KCNH1: variants seen among roughly 807,000 people sequenced by gnomAD.
KCNH1 encodes the protein potassium voltage-gated channel subfamily H member 1.
In KCNH1, 27 loss-of-function variants were observed where a neutral mutation model predicts 69.2. That is an observed-to-expected ratio of 0.39 (90% CI 0.29 to 0.54). The LOEUF is 0.54. Ranked by LOEUF, KCNH1 falls within the 20% of genes least tolerant of loss-of-function variation. The pLI, the probability that KCNH1 is intolerant of heterozygous loss-of-function variation, is 0.68. For missense variants in KCNH1, 798 were observed against 1,261.6 expected (o/e 0.63, Z 5.57); for synonymous variants, 456 against 487.7 (o/e 0.93, Z 0.86).
chr1:210,740,707 T>A (rs1233704472), intron 10 of KCNH1, among the ~76,000 whole-genome samples: 2 of 103,188 alleles, frequency 1.9e-5, no homozygotes, highest in East Asian at 3.0e-4. Flanking sequence ...TGATTAAATT[T>A]TTTTTTTTTT....
chr1:210,976,102 C>T (rs996789311), intron 6 of KCNH1, among the ~76,000 whole-genome samples: 6 of 152,152 alleles, frequency 3.9e-5, no homozygotes, highest in Admixed American at 2.6e-4. Context: ...CAGGAAACAA[C>T]AGGTGCTGGA....
intron 6 of KCNH1, among the ~76,000 whole-genome samples, chr1:210,990,121 T>C (rs1023896090): frequency 2.0e-5 from 3 of 152,234 alleles, no homozygotes; most frequent in Non-Finnish European, 4.4e-5. Context: ...ATTTAGCTAA[T>C]GCAGACCTGT....
In KCNH1 at chr1:211,133,762, A is replaced by C; in HGVS notation, c.79+105T>G. 9.4e-7 allele frequency: 1 copy of C among 1,063,448 alleles called. No homozygotes were observed. The highest frequency in any genetic ancestry group is 1.9e-5 in the Admixed American group (1 of 51,902). 65.9% of individuals were successfully genotyped at this position (1,063,448 alleles called of 1,614,324 possible). A position where few individuals can be genotyped will look rare whatever the true frequency, so the allele number is the denominator to read the frequency against. Reference sequence around the variant, plus strand: ...TGCCCGCGCCGCGGCTCCTTAGCAGAGCTCGCGGGTTCTGCTGCATCTGCT... The same window carrying C: ...TGCCCGCGCCGCGGCTCCTTAGCAGCGCTCGCGGGTTCTGCTGCATCTGCT... On this transcript the variant is annotated intron_variant, in intron 1 of 10. Coordinates refer to ENST00000271751, the MANE Select transcript of KCNH1 (RefSeq NM_172362.3). The surrounding 1 kb of genome is among the most constrained non-coding windows in gnomAD (Gnocchi z 5.4).
chr1:210,914,367 A>G (rs532100330), intron 7 of KCNH1, among the ~76,000 whole-genome samples: 1 of 152,298 alleles, frequency 6.6e-6, no homozygotes, highest in East Asian at 1.9e-4. Context: ...GTATGTTGGT[A>G]CAGAATGCAA....
At chr1:210,858,304 A>C (rs1438250138) in intron 7 of KCNH1, 1 of 152,222 alleles carries the variant, frequency 6.6e-6, no homozygotes, top group Non-Finnish European at 1.5e-5. Context: ...CTTTAAGAAA[A>C]ACAGGACACA....
At chr1:210,734,810 C>T (rs563242825) in intron 10 of KCNH1, among the ~76,000 whole-genome samples, 92 of 152,102 alleles carry the variant, frequency 6.0e-4, no homozygotes, top group African/African-American at 2.1e-3. Context: ...ATAGCACCTA[C>T]CCCATAAGGT....
At chr1:210,713,288 T>G (rs1286665907) in intron 10 of KCNH1, among the ~76,000 whole-genome samples, 3 of 152,290 alleles carry the variant, frequency 2.0e-5, no homozygotes, top group African/African-American at 2.4e-5. Context: ...CTGAGTCTGG[T>G]AAAGGCCAAA....
intron 6 of KCNH1, among the ~76,000 whole-genome samples, chr1:210,958,554 C>T (rs370882908): frequency 6.6e-5 from 10 of 152,170 alleles, no homozygotes; most frequent in African/African-American, 9.6e-5. Context: ...ACCAATCAAA[C>T]GTAGATTTGG....
chr1:210,698,374 A>G (rs1681692066), intron 10 of KCNH1, among the ~76,000 whole-genome samples: 1 of 152,192 alleles, frequency 6.6e-6, no homozygotes, highest in African/African-American at 2.4e-5. Flanking sequence ...GGAGAAAGCC[A>G]AAGTGGGTTC....
chr1:210,775,955 A>T (rs1265507378), intron 9 of KCNH1, among the ~76,000 whole-genome samples: 2 of 152,142 alleles, frequency 1.3e-5, no homozygotes, highest in Non-Finnish European at 2.9e-5. Flanking sequence ...TGTCTTATTC[A>T]TCCACATAAC....
At chr1:210,777,259 G>T (rs1683880072) in intron 9 of KCNH1, among the ~76,000 whole-genome samples, 1 of 152,156 alleles carries the variant, frequency 6.6e-6, no homozygotes, top group South Asian at 2.1e-4. Context: ...ATATCTGTGG[G>T]CACAGCCTTC....
At chr1:210,995,397 C>T (rs1174604971) in intron 6 of KCNH1, among the ~76,000 whole-genome samples, 8 of 152,168 alleles carry the variant, frequency 5.3e-5, no homozygotes, top group Admixed American at 2.0e-4. Flanking sequence ...AATTGTCTGC[C>T]AATGGATTCT....
At chr1:210,861,580 C>T in intron 7 of KCNH1, 1 of 772,098 alleles carries the variant, frequency 1.3e-6, no homozygotes, top group South Asian at 1.3e-5. Context: ...CCCATTCTGT[C>T]AGGTTCTGTT....
At chr1:210,782,195 A>G (rs1322440794) in intron 9 of KCNH1, among the ~76,000 whole-genome samples, 1 of 152,120 alleles carries the variant, frequency 6.6e-6, no homozygotes, top group Non-Finnish European at 1.5e-5. Context: ...CAGGCACTCA[A>G]TGGCTGTTGA....
In KCNH1 at chr1:210,683,056, C is replaced by CAAAG. The variant is rs1267721104; in HGVS notation, c.*221_*224dup. 2 of 587,790 alleles carry CAAAG rather than the reference C, an allele frequency of 3.4e-6. No individual in the cohort carries two copies. Among genetic ancestry groups the CAAAG allele is most frequent in the Non-Finnish European group, 6.0e-6 (2 of 330,812 alleles). 36.4% of individuals were successfully genotyped at this position (587,790 alleles called of 1,614,324 possible). A position where few individuals can be genotyped will look rare whatever the true frequency, so the allele number is the denominator to read the frequency against. ...GCATGTCCCTTCTTCCAAAATTGTG[C>CAAAG]AAAGACGGTTCAGATGCAGCTGCCA... On this transcript the variant is annotated 3_prime_UTR_variant, in exon 11 of 11. Coordinates refer to ENST00000271751, the MANE Select transcript of KCNH1 (RefSeq NM_172362.3). This position sits in a 1 kb window ranked among gnomAD's most constrained non-coding sequence, Gnocchi z 5.7.
At chr1:210,964,097 G>A (rs1688349363) in intron 6 of KCNH1, among the ~76,000 whole-genome samples, 1 of 152,152 alleles carries the variant, frequency 6.6e-6, no homozygotes, top group South Asian at 2.1e-4. Context: ...AGATCTCTCG[G>A]CAGAAACCCC....
At chr1:210,730,848 T>C (rs1682732337) in intron 10 of KCNH1, among the ~76,000 whole-genome samples, 1 of 152,194 alleles carries the variant, frequency 6.6e-6, no homozygotes, top group Non-Finnish European at 1.5e-5. Context: ...TGCCCAACCA[T>C]AATCAAACCA....
intron 7 of KCNH1, among the ~76,000 whole-genome samples, chr1:210,836,155 A>G (rs1053270871): frequency 2.6e-5 from 4 of 151,298 alleles, no homozygotes; most frequent in African/African-American, 9.7e-5. Flanking sequence ...GGCTTCATGT[A>G]ACCTTTTGTT....
intron 6 of KCNH1, among the ~76,000 whole-genome samples, chr1:210,929,532 G>T (rs1038672778): frequency 9.2e-5 from 14 of 152,164 alleles, no homozygotes; most frequent in Middle Eastern, 3.4e-3. Flanking sequence ...ACACCTTAAG[G>T]TAATAAAAGC....
Sources: gnomAD v4.1 joint callset for allele counts (sites outside exome capture counted in the v4.1 genomes callset) on GRCh38, gnomAD v4.1.1 for gene constraint, Gnocchi (gnomAD v3.1) non-coding constraint, MANE v1.5 for transcripts, NCBI Gene and HGNC (gene_info 2026-07-23, HGNC 2026-07-21) for gene names.